PKD2L2: variants seen among roughly 807,000 people sequenced by gnomAD.
The protein encoded by PKD2L2 is polycystin 2 like 2, transient receptor potential cation channel.
A neutral mutation model predicts 83.9 loss-of-function variants in PKD2L2; 67 were observed. The ratio of observed to expected loss-of-function variants is 0.80; its 90% CI spans 0.66 to 0.98. The LOEUF is 0.98. Ranked by LOEUF, PKD2L2 falls within the 50% of genes least tolerant of loss-of-function variation. PKD2L2 has a pLI of 0.00. For synonymous variants in PKD2L2, 223 were observed against 237.8 expected, an observed-to-expected ratio of 0.94 and a Z score of 0.57; for missense variants, 632 against 717.2, an observed-to-expected ratio of 0.88 and a Z score of 1.36.
At chr5:137,894,185 G>A (rs545723673) in intron 3 of PKD2L2, among the ~76,000 whole-genome samples, 168 bp from the exon 4 acceptor site, 1 of 152,320 alleles carries the variant, frequency 6.6e-6, no homozygotes, top group Admixed American at 6.5e-5. Flanking sequence ...CGTGCTTAAT[G>A]AGTGTTAACC....
intron 5 of PKD2L2, among the ~76,000 whole-genome samples, chr5:137,900,078 A>AT (rs1302535123): frequency 6.6e-6 from 1 of 152,258 alleles, no homozygotes; most frequent in Non-Finnish European, 1.5e-5. Flanking sequence ...GCCAAAACTT[A>AT]TGCACATAAA....
chr5:137,890,199 C>G, intron 1 of PKD2L2: 1 of 236,716 alleles, frequency 4.2e-6, no homozygotes, highest in Non-Finnish European at 8.0e-6. Context: ...AGGAGAATCG[C>G]TTGAACCGGG....
intron 11 of PKD2L2, among the ~76,000 whole-genome samples, chr5:137,925,468 T>C (rs1175154444): frequency 6.6e-6 from 1 of 152,228 alleles, no homozygotes; most frequent in African/African-American, 2.4e-5. Flanking sequence ...CAGAAAAAGC[T>C]GTAAGAGAAA....
chr5:137,919,831 C>T (rs574664640), intron 8 of PKD2L2, among the ~76,000 whole-genome samples: 30 of 152,136 alleles, frequency 2.0e-4, no homozygotes, highest in Non-Finnish European at 3.7e-4. Flanking sequence ...GCTTTTTGCT[C>T]CTTTTATGTG....
intron 5 of PKD2L2, among the ~76,000 whole-genome samples, chr5:137,903,190 G>A (rs1281428451): frequency 6.6e-6 from 1 of 152,160 alleles, no homozygotes; most frequent in Non-Finnish European, 1.5e-5. Flanking sequence ...TCCGTCTTCT[G>A]GGTCCAAGTT....
chr5:137,900,034 G>A (rs1245700949), intron 5 of PKD2L2, among the ~76,000 whole-genome samples: 4 of 152,130 alleles, frequency 2.6e-5, no homozygotes. Flanking sequence ...CTATCACAAA[G>A]TATACACAAA....
intron 8 of PKD2L2, among the ~76,000 whole-genome samples, chr5:137,915,102 T>A (rs1027668787): frequency 9.2e-5 from 14 of 152,210 alleles, no homozygotes; most frequent in African/African-American, 3.4e-4. Flanking sequence ...ACTGTCTTTG[T>A]CTGGCTTAGG....
chr5:137,899,834 T>G, intron 5 of PKD2L2, 97 bp downstream of exon 5: 2 of 603,068 alleles, frequency 3.3e-6, no homozygotes, highest in Non-Finnish European at 5.9e-6. Flanking sequence ...GAGTTTGAAC[T>G]GCACAGGTCC....
At chr5:137,893,789 G>A (rs1249621855) in intron 3 of PKD2L2, among the ~76,000 whole-genome samples, 1 of 152,192 alleles carries the variant, frequency 6.6e-6, no homozygotes, top group East Asian at 1.9e-4. Flanking sequence ...GGTTGGTTTA[G>A]GCTAGGTGAA....
chr5:137,932,667 C>A (rs1388300948), intron 12 of PKD2L2, among the ~76,000 whole-genome samples: 1 of 152,202 alleles, frequency 6.6e-6, no homozygotes, highest in African/African-American at 2.4e-5. Flanking sequence ...AGGTACCTCA[C>A]TGCTGCTGCT....
intron 14 of PKD2L2, among the ~76,000 whole-genome samples, chr5:137,937,773 C>T (rs1760592095): frequency 6.6e-6 from 1 of 152,160 alleles, no homozygotes; most frequent in South Asian, 2.1e-4. Flanking sequence ...AGGGAATGAA[C>T]AACATGGCCT....
chr5:137,899,381 T>C, intron 4 of PKD2L2, 135 bp from the exon 5 acceptor site: 1 of 628,190 alleles, frequency 1.6e-6, no homozygotes. Context: ...CCTCCCAAAG[T>C]GTTGGGATTA....
At chr5:137,918,684 A>AT (rs927445982) in intron 8 of PKD2L2, among the ~76,000 whole-genome samples, 2 of 152,136 alleles carry the variant, frequency 1.3e-5, no homozygotes, top group Admixed American at 6.5e-5. Context: ...ATTAACAGCA[A>AT]TTTACTGTCC....
chr5:137,903,672 C>T (rs931261535), intron 5 of PKD2L2, among the ~76,000 whole-genome samples: 1 of 152,212 alleles, frequency 6.6e-6, no homozygotes, highest in Non-Finnish European at 1.5e-5. Flanking sequence ...ATGTAATCTA[C>T]ATGTTCCTAA....
intron 12 of PKD2L2, among the ~76,000 whole-genome samples, chr5:137,928,228 A>G (rs1407147495): frequency 6.6e-6 from 1 of 151,818 alleles, no homozygotes; most frequent in Admixed American, 6.6e-5. Flanking sequence ...TAAGGATTCT[A>G]TTAGAGGATG....
intron 12 of PKD2L2, among the ~76,000 whole-genome samples, chr5:137,926,962 G>A (rs1201062483): frequency 6.6e-6 from 1 of 152,124 alleles, no homozygotes; most frequent in Non-Finnish European, 1.5e-5. Flanking sequence ...TACAAGATGA[G>A]TCTGGAATAG....
chr5:137,899,005 C>T (rs1040546110), intron 4 of PKD2L2, among the ~76,000 whole-genome samples: 2 of 152,196 alleles, frequency 1.3e-5, no homozygotes, highest in African/African-American at 4.8e-5. Flanking sequence ...TTAATTAAAT[C>T]GTAATCCTTT....
At position 137,923,482 on chromosome 5, in the gene PKD2L2, CAGA is replaced by C. The variant is rs749622599; in HGVS notation, c.1515_1517del (p.Arg506del). ...AAGTGAAAGCTGACTATTCAATAGG[CAGA>C]AGGCTAGATTTTGAACTTGGCAAAA... is the stretch of plus-strand genomic sequence containing the variant. On this transcript the variant is annotated inframe_deletion, in exon 10 of 15. Transcript: ENST00000508883. The C allele has an allele frequency of 8.3e-6, 13 of 1,568,878 alleles. No homozygotes were observed. Among genetic ancestry groups the C allele is most frequent in the Non-Finnish European group, 1.1e-5 (13 of 1,138,882 alleles).
chr5:137,906,306 G>A lies in PKD2L2; in HGVS notation c.847G>A (p.Ala283Thr). ...TGTTAGCTACTATGACTATTTTATT[G>A]CTTCCTGTGAAATCACATTCTGTAT... ...RYVSYYDYFI[A>T]SCEITFCIFL... The change falls in exon 6 of 15, where the codon GCT (alanine) becomes ACT (threonine). Residue 283 changes from alanine (A) to threonine (T), a missense_variant. Ala to Thr is a moderately conservative substitution (Grantham distance 58). Transcript: ENST00000508883. 1 of 1,608,798 alleles carries A rather than the reference G, an allele frequency of 6.2e-7. No individual in the cohort carries two copies. The highest frequency in any genetic ancestry group is 2.2e-5 in the East Asian group (1 of 44,804).
Sources: gnomAD v4.1 joint callset for allele counts (sites outside exome capture counted in the v4.1 genomes callset) on GRCh38, gnomAD v4.1.1 for gene constraint, MANE v1.5 for transcripts, NCBI Gene and HGNC (gene_info 2026-07-23, HGNC 2026-07-21) for gene names.